PAK1: variants seen among roughly 807,000 people sequenced by gnomAD.
PAK1 encodes serine/threonine-protein kinase PAK 1.
A neutral mutation model predicts 67.4 loss-of-function variants in PAK1; 29 were observed. The ratio of observed to expected loss-of-function variants is 0.43; its 90% CI spans 0.32 to 0.59. The LOEUF is 0.59. Among genes scored for constraint, PAK1 ranks in the 20% least tolerant of loss-of-function variants. The pLI is 0.07. For missense variants in PAK1, 337 were observed against 670.7 expected (o/e 0.50, Z 5.50); for synonymous variants, 223 against 237.4 (o/e 0.94, Z 0.56).
At chr11:77,426,723 T>A (rs943133909) in intron 1 of PAK1, among the ~76,000 whole-genome samples, 1 of 152,050 alleles carries the variant, frequency 6.6e-6, no homozygotes, top group East Asian at 1.9e-4. Context: ...TATACCTTGA[T>A]TCAACCCCTG....
At chr11:77,418,359 C>G (rs564944290) in intron 1 of PAK1, among the ~76,000 whole-genome samples, 9 of 152,294 alleles carry the variant, frequency 5.9e-5, no homozygotes, top group Admixed American at 4.6e-4. Context: ...GCCTGGTACC[C>G]TGAGGGAAAC....
At chr11:77,451,710 C>CT (rs563108015) in intron 1 of PAK1, among the ~76,000 whole-genome samples, 2 of 150,958 alleles carry the variant, frequency 1.3e-5, no homozygotes, top group Admixed American at 1.3e-4. Flanking sequence ...TGCCATTCTC[C>CT]TGCCTCAGCC....
intron 1 of PAK1, among the ~76,000 whole-genome samples, chr11:77,412,922 TG>T (rs1437316678): frequency 6.6e-6 from 1 of 152,242 alleles, no homozygotes; most frequent in African/African-American, 2.4e-5. Context: ...GAACCTGAGC[TG>T]AACAACACAT....
Position 77,416,821 on chromosome 11 carries a change from C to T in PAK1, c.-21-24280G>A, listed in dbSNP as rs533397298. On this transcript the variant is annotated intron_variant, in intron 1 of 14. Coordinates refer to ENST00000356341, the MANE Select transcript of PAK1 (RefSeq NM_002576.5). ...ACAAAAAATTAGCAGGGCGTGGTGG[C>T]GGGCGCCTATAGTCCCAGCTATTCT... Among the ~76,000 whole-genome samples, 26 of 152,130 alleles carry T rather than the reference C, an allele frequency of 1.7e-4. No homozygotes were observed. In the East Asian group the frequency reaches 3.7e-3, roughly 22 times the overall value.
chr11:77,403,901 G>A (rs1281943003), intron 1 of PAK1, among the ~76,000 whole-genome samples: 1 of 152,146 alleles, frequency 6.6e-6, no homozygotes, highest in African/African-American at 2.4e-5. Flanking sequence ...TGAGGGCTCT[G>A]GCCTCATGAA....
chr11:77,392,277 C>A, intron 2 of PAK1, 54 bp downstream of exon 2: 7 of 1,269,318 alleles, frequency 5.5e-6, no homozygotes, highest in East Asian at 2.5e-5. Context: ...CCAGGTTACC[C>A]AAAATAATTT....
chr11:77,337,759 T>C (rs1190122330), intron 11 of PAK1, among the ~76,000 whole-genome samples: 1 of 152,122 alleles, frequency 6.6e-6, no homozygotes, highest in African/African-American at 2.4e-5. Context: ...ATGGAAAGGA[T>C]CTTATAATGA....
chr11:77,332,177 G>A lies in PAK1; in HGVS notation c.1551+553C>T, dbSNP rs528877899. Among the ~76,000 whole-genome samples the A allele has an allele frequency of 1.0e-4, 15 of 148,722 alleles. No homozygotes were observed. In the South Asian group the frequency reaches 2.4e-3, roughly 24 times the overall value. On this transcript the variant is annotated intron_variant, in intron 14 of 14. Transcript: ENST00000356341. ...TAAAAAACTAGCCAGGTATGGTGGC[G>A]TGCACCTGTAGTCTGAGCTACCTGG...
chr11:77,404,310 C>T (rs573641809), intron 1 of PAK1, among the ~76,000 whole-genome samples: 1 of 151,936 alleles, frequency 6.6e-6, no homozygotes, highest in South Asian at 2.1e-4. Flanking sequence ...CCCTGTCGCC[C>T]AGGCTGGAGT....
At chr11:77,497,327 C>A in the PAK1 span, among the ~76,000 whole-genome samples, 492 of 152,286 alleles carry the variant, frequency 3.2e-3, 2 homozygotes, top group African/African-American at 0.011. Flanking sequence ...ATAATTTTTA[C>A]ATTCATCTGT....
intron 13 of PAK1, 121 bp from the exon 14 acceptor site, chr11:77,332,988 GTA>G: frequency 1.2e-6 from 1 of 842,932 alleles, no homozygotes; most frequent in African/African-American, 1.7e-5. Flanking sequence ...TAGCAGCTGT[GTA>G]TATATACTGG....
chr11:77,355,053 T>C (rs1408568480), intron 7 of PAK1, among the ~76,000 whole-genome samples: 1 of 152,204 alleles, frequency 6.6e-6, no homozygotes, highest in Non-Finnish European at 1.5e-5. Flanking sequence ...ACCTCAGCCA[T>C]GTCACTTTTT....
rs1246840969 is a variant in PAK1 at position 77,429,079 on chromosome 11, AAAAAAAAAAAAAAAAC to A, written c.-21-36554_-21-36539del. On this transcript the variant is annotated intron_variant, in intron 1 of 14. Coordinates refer to ENST00000356341, the MANE Select transcript of PAK1 (RefSeq NM_002576.5). ...ACTAAAAAAAAAAAAAAAAAAAAAA[AAAAAAAAAAAAAAAAC>A]ACACACACACACATCAGGATTCCTT... Among the ~76,000 whole-genome samples, 60 of 121,934 alleles carry A rather than the reference AAAAAAAAAAAAAAAAC, an allele frequency of 4.9e-4. 3 individuals carry two copies. Among genetic ancestry groups the A allele is most frequent in the African/African-American group, 2.1e-3 (54 of 25,206 alleles). 80.0% of individuals were successfully genotyped at this position (121,934 alleles called of 152,430 possible). A position where few individuals can be genotyped will look rare whatever the true frequency, so the allele number is the denominator to read the frequency against.
chr11:77,451,698 C>T, intron 1 of PAK1, among the ~76,000 whole-genome samples: 1 of 146,878 alleles, frequency 6.8e-6, no homozygotes. Flanking sequence ...CTCCTGGGTT[C>T]ATGCCATTCT....
chr11:77,364,015 C>A (rs1947156661), intron 5 of PAK1, among the ~76,000 whole-genome samples: 1 of 152,220 alleles, frequency 6.6e-6, no homozygotes, highest in Non-Finnish European at 1.5e-5. Context: ...AATGCCCAGG[C>A]CCAGTGGCAC....
At position 77,445,969 on chromosome 11, in the gene PAK1, T is replaced by C. The variant is rs544428998; in HGVS notation, c.-22+27583A>G. Among the ~76,000 whole-genome samples, 7 of 152,322 alleles carry C rather than the reference T, an allele frequency of 4.6e-5. No individual in the cohort carries two copies. The South Asian group carries it at 1.2e-3, about 27-fold the overall frequency. On this transcript the variant is annotated intron_variant, in intron 1 of 14. Coordinates refer to ENST00000356341, the MANE Select transcript of PAK1 (RefSeq NM_002576.5). Reference sequence around the variant, plus strand: ...GTTGAAACTGTCTCATTCATCTTTATATCTCCAGTACTTATCACAGTTCAT... The same window carrying C: ...GTTGAAACTGTCTCATTCATCTTTACATCTCCAGTACTTATCACAGTTCAT...
the PAK1 span, among the ~76,000 whole-genome samples, chr11:77,493,900 A>G: frequency 1.3e-5 from 2 of 152,202 alleles, no homozygotes; most frequent in African/African-American, 4.8e-5. Context: ...AAGCCAGTCC[A>G]TTATTTCTGT....
At chr11:77,460,514 A>G (rs920311841) in intron 1 of PAK1, among the ~76,000 whole-genome samples, 1 of 151,740 alleles carries the variant, frequency 6.6e-6, no homozygotes, top group African/African-American at 2.4e-5. Context: ...AAGCAGAGAT[A>G]GGGTTTATCT....
chr11:77,443,869 A>G (rs1592496520), intron 1 of PAK1, among the ~76,000 whole-genome samples: 2 of 152,342 alleles, frequency 1.3e-5, no homozygotes, highest in Non-Finnish European at 2.9e-5. Context: ...AGCAGCTGTG[A>G]TATCTTCAGC....
Sources: gnomAD v4.1 joint callset for allele counts (sites outside exome capture counted in the v4.1 genomes callset) on GRCh38, gnomAD v4.1.1 for gene constraint, MANE v1.5 for transcripts, NCBI Gene and HGNC (gene_info 2026-07-23, HGNC 2026-07-21) for gene names.